PDE1A: variants seen among roughly 807,000 people sequenced by gnomAD.
The protein encoded by PDE1A is phosphodiesterase 1A.
A neutral mutation model predicts 61.7 loss-of-function variants in PDE1A; 35 were observed. The observed-to-expected ratio is 0.57, with a 90% CI of 0.43 to 0.75. PDE1A has a LOEUF of 0.75. PDE1A is among the 30% of genes least tolerant of loss of function. PDE1A has a pLI of 0.00. For missense variants in PDE1A, 597 were observed against 630.6 expected (o/e 0.95, Z 0.57); for synonymous variants, 232 against 213.2 (o/e 1.09, Z -0.77).
chr2:182,208,569 T>G (rs1387975027), intron 7 of PDE1A, among the ~76,000 whole-genome samples: 1 of 152,076 alleles, frequency 6.6e-6, no homozygotes, highest in Admixed American at 6.5e-5. Flanking sequence ...GACTCCAGAA[T>G]GGTAAATCTA....
At chr2:182,434,057 C>A (rs1293853715) in intron 2 of PDE1A, among the ~76,000 whole-genome samples, 1 of 151,988 alleles carries the variant, frequency 6.6e-6, no homozygotes, top group Non-Finnish European at 1.5e-5. Flanking sequence ...ATTTTTTATT[C>A]ACAAATGTAT....
rs1178920108 is a variant in PDE1A, at chr2:182,216,218, C to G, written c.776+7646G>C. Reference sequence around the variant, plus strand: ...AAAGCCTTTGACAAAATTCAACAACCCTTCATGCTAAAAACTCTCCATAAA... The same window carrying G: ...AAAGCCTTTGACAAAATTCAACAACGCTTCATGCTAAAAACTCTCCATAAA... On this transcript the variant is annotated intron_variant, in intron 7 of 13. Coordinates refer to ENST00000351439, the Ensembl canonical transcript of PDE1A. 4.4e-5 allele frequency among the ~76,000 whole-genome samples: 3 copies of G among 68,266 alleles called. 1 individual carries two copies. Among genetic ancestry groups the G allele is most frequent in the Non-Finnish European group, 9.0e-5 (3 of 33,486 alleles). 44.8% of individuals were successfully genotyped at this position (68,266 alleles called of 152,430 possible).
chr2:182,235,897 T>C (rs2125668534), intron 3 of PDE1A, among the ~76,000 whole-genome samples: 1 of 152,336 alleles, frequency 6.6e-6, no homozygotes, highest in East Asian at 1.9e-4. Flanking sequence ...ATGTTAAAAA[T>C]GCATGGGACA....
chr2:182,714,651 G>A, the PDE1A span, among the ~76,000 whole-genome samples: 1 of 151,686 alleles, frequency 6.6e-6, no homozygotes, highest in African/African-American at 2.4e-5. Flanking sequence ...TGCAACCTCT[G>A]TCTCCCGGGT....
intron 2 of PDE1A, among the ~76,000 whole-genome samples, chr2:182,490,316 G>A (rs1039865435): frequency 2.0e-5 from 3 of 152,186 alleles, no homozygotes; most frequent in Admixed American, 6.5e-5. Context: ...TACTGTAAAG[G>A]AGAACTTTGA....
chr2:182,365,890 C>T (rs1056417147), intron 1 of PDE1A, among the ~76,000 whole-genome samples: 1 of 152,050 alleles, frequency 6.6e-6, no homozygotes, highest in Non-Finnish European at 1.5e-5. Flanking sequence ...TTGTACCCCA[C>T]AAACATTCAA....
rs897577825 is a variant in PDE1A at position 182,150,086 on chromosome 2, G to A, written c.1517-2934C>T. On this transcript the variant is annotated intron_variant, in intron 13 of 13. Coordinates refer to the PDE1A transcript ENST00000409365. ...TGATATAAAATGATACTTCAAGGTC[G>A]CTACACTAAATATAAGTGTATAATA... Among the ~76,000 whole-genome samples the A allele has an allele frequency of 5.3e-5, 8 of 152,132 alleles. 1 individual carries two copies. The highest frequency in any genetic ancestry group is 4.2e-4 in the South Asian group (2 of 4,818).
At position 182,412,526 on chromosome 2, in the gene PDE1A, A is replaced by T. The variant is rs1702678139; in HGVS notation, c.53+14052T>A. 1.3e-5 allele frequency among the ~76,000 whole-genome samples: 2 copies of T among 152,208 alleles called. 1 individual carries two copies. The highest frequency in any genetic ancestry group is 4.1e-4 in the South Asian group (2 of 4,836). On this transcript the variant is annotated intron_variant, in intron 1 of 13. Coordinates refer to ENST00000351439, the Ensembl canonical transcript of PDE1A. ...TATAATTAGATATAATGTAGGTAAG[A>T]TCCCTGGCATGTAGTGGATGCTCAA...
intron 13 of PDE1A, among the ~76,000 whole-genome samples, chr2:182,173,555 T>C (rs1692439035): frequency 7.0e-6 from 1 of 142,554 alleles, no homozygotes; most frequent in Non-Finnish European, 1.5e-5. Flanking sequence ...AGGAAATATA[T>C]AATATAATAA....
chr2:182,435,263 G>T (rs1037265202), intron 2 of PDE1A, among the ~76,000 whole-genome samples: 1 of 152,088 alleles, frequency 6.6e-6, no homozygotes, highest in African/African-American at 2.4e-5. Context: ...AATGGCTTTT[G>T]TATAGTAGGT....
At chr2:182,696,186 T>C in the PDE1A span, among the ~76,000 whole-genome samples, 43 of 152,342 alleles carry the variant, frequency 2.8e-4, no homozygotes, top group African/African-American at 1.0e-3. Flanking sequence ...ACTTTATTCA[T>C]AATTGCCAAA....
At chr2:182,662,426 C>T in the PDE1A span, among the ~76,000 whole-genome samples, 3 of 151,914 alleles carry the variant, frequency 2.0e-5, no homozygotes, top group Non-Finnish European at 2.9e-5. Context: ...TCACACTACC[C>T]TGCTTCAAAC....
intron 2 of PDE1A, among the ~76,000 whole-genome samples, chr2:182,251,874 G>A (rs1029797521): frequency 6.6e-6 from 1 of 152,126 alleles, no homozygotes; most frequent in Non-Finnish European, 1.5e-5. Flanking sequence ...TTACTTGACT[G>A]AGAACTAAAA....
At chr2:182,160,410 T>G (rs982157012) in intron 13 of PDE1A, among the ~76,000 whole-genome samples, 14 of 152,134 alleles carry the variant, frequency 9.2e-5, no homozygotes, top group African/African-American at 3.4e-4. Context: ...CAGTTAGGGA[T>G]GTAGGTAAAG....
intron 2 of PDE1A, among the ~76,000 whole-genome samples, chr2:182,494,230 C>G (rs1415836734): frequency 6.6e-6 from 1 of 151,928 alleles, no homozygotes; most frequent in African/African-American, 2.4e-5. Context: ...TATCCAAAAG[C>G]CTTAGAACTG....
chr2:182,254,371 C>A (rs976167665), intron 2 of PDE1A, among the ~76,000 whole-genome samples: 1 of 152,204 alleles, frequency 6.6e-6, no homozygotes, highest in African/African-American at 2.4e-5. Flanking sequence ...TCAGAAAAAT[C>A]ATTACTTGAT....
the PDE1A span, among the ~76,000 whole-genome samples, chr2:182,568,861 C>T: frequency 1.3e-5 from 2 of 149,910 alleles, no homozygotes; most frequent in Admixed American, 1.3e-4. Context: ...TCCTATAGGC[C>T]AGGCACGGTG....
chr2:182,682,095 T>G, the PDE1A span, among the ~76,000 whole-genome samples: 1 of 152,240 alleles, frequency 6.6e-6, no homozygotes. Flanking sequence ...CCACGATGTT[T>G]CTTTTATTTT....
chr2:182,331,417 T>C (rs1367380140), intron 1 of PDE1A, among the ~76,000 whole-genome samples: 2 of 152,210 alleles, frequency 1.3e-5, no homozygotes, highest in African/African-American at 2.4e-5. Context: ...TTTTGCCTAA[T>C]AGTTGACGCA....
Sources: allele counts gnomAD v4.1 joint callset (sites outside exome capture counted in the v4.1 genomes callset), GRCh38; gene constraint gnomAD v4.1.1; transcripts MANE v1.5; gene names NCBI Gene and HGNC (gene_info 2026-07-23, HGNC 2026-07-21).